The following RGS7 variants were observed in gnomAD, a reference collection of about 807,000 sequenced individuals.
RGS7 encodes regulator of G-protein signaling 7.
RGS7 carries 27 observed loss-of-function variants against 81.1 expected under a neutral mutation model. That is an observed-to-expected ratio of 0.33 (90% confidence interval 0.25 to 0.46). The LOEUF (loss-of-function observed/expected upper bound fraction) is 0.46, where lower values mean the gene tolerates loss of function less well. Ranked by LOEUF, RGS7 falls within the 20% of genes least tolerant of loss-of-function variation. The pLI is 1.00. For missense variants in RGS7, 396 were observed against 607.4 expected (o/e 0.65, Z 3.66); for synonymous variants, 208 against 207.7 (o/e 1.00, Z -0.01).
chr1:240,952,083 C>G (rs959944306), intron 4 of RGS7, among the ~76,000 whole-genome samples: 1 of 151,972 alleles, frequency 6.6e-6, no homozygotes, highest in Non-Finnish European at 1.5e-5. Flanking sequence ...CTCAGACAAA[C>G]AACTGAAAGA....
chr1:241,351,111 T>C (rs1414764985), intron 2 of RGS7, among the ~76,000 whole-genome samples: 1 of 152,162 alleles, frequency 6.6e-6, no homozygotes, highest in African/African-American at 2.4e-5. Context: ...TGGTCTTGTC[T>C]TGCTCTTCAA....
At chr1:240,935,129 C>T (rs113612727) in intron 5 of RGS7, among the ~76,000 whole-genome samples, 3,703 of 151,734 alleles carry the variant, frequency 0.024, 159 homozygotes, top group African/African-American at 0.085. Context: ...AAACTCCTAA[C>T]CTCAAGTGAT....
At chr1:241,170,619 G>A (rs2070662875) in intron 2 of RGS7, among the ~76,000 whole-genome samples, 1 of 152,168 alleles carries the variant, frequency 6.6e-6, no homozygotes, top group African/African-American at 2.4e-5. Context: ...ATGTTGTCAT[G>A]GAAGAGGCAG....
intron 2 of RGS7, among the ~76,000 whole-genome samples, chr1:241,221,538 CT>C (rs2075014422): frequency 6.6e-6 from 1 of 152,172 alleles, no homozygotes; most frequent in African/African-American, 2.4e-5. Flanking sequence ...GTGATAGTTA[CT>C]TTTATGTGTC....
chr1:241,105,257 T>C (rs533384395), intron 2 of RGS7, among the ~76,000 whole-genome samples: 1 of 152,192 alleles, frequency 6.6e-6, no homozygotes, highest in South Asian at 2.1e-4. Flanking sequence ...TCAGTGGCTG[T>C]TGATGAGGCT....
intron 2 of RGS7, among the ~76,000 whole-genome samples, chr1:241,187,890 A>G (rs948528147): frequency 6.6e-6 from 1 of 152,196 alleles, no homozygotes; most frequent in African/African-American, 2.4e-5. Context: ...ACAAAGATCT[A>G]CTTCACTGAT....
chr1:241,315,136 A>G (rs1433666400), intron 2 of RGS7, among the ~76,000 whole-genome samples: 1 of 7,742 alleles, frequency 1.3e-4, no homozygotes, highest in African/African-American at 5.8e-4. Context: ...TTTTTTTTTG[A>G]GATGCAGAAA....
intron 3 of RGS7, among the ~76,000 whole-genome samples, chr1:241,029,487 G>T (rs1428301363): frequency 4.6e-5 from 7 of 152,196 alleles, no homozygotes; most frequent in Admixed American, 6.5e-5. Context: ...ATCTGCTAAA[G>T]AACCTTTTGT....
chr1:241,184,772 C>T (rs755638625), intron 2 of RGS7, among the ~76,000 whole-genome samples: 1 of 151,814 alleles, frequency 6.6e-6, no homozygotes, highest in South Asian at 2.1e-4. Flanking sequence ...CAAAAAAAAA[C>T]CCCGAATTCA....
chr1:240,941,504 A>G (rs2148396985), intron 4 of RGS7, among the ~76,000 whole-genome samples: 1 of 152,302 alleles, frequency 6.6e-6, no homozygotes, highest in African/African-American at 2.4e-5. Flanking sequence ...ATGAACAAGG[A>G]CATTTATGAG....
chr1:241,069,903 G>A (rs1021590301), intron 3 of RGS7, among the ~76,000 whole-genome samples: 1 of 152,176 alleles, frequency 6.6e-6, no homozygotes, highest in East Asian at 1.9e-4. Flanking sequence ...TACCTTATTT[G>A]ATCATTTAAT....
At chr1:241,288,551 T>C (rs911282495) in intron 2 of RGS7, among the ~76,000 whole-genome samples, 3 of 152,068 alleles carry the variant, frequency 2.0e-5, no homozygotes, top group African/African-American at 4.8e-5. Flanking sequence ...CTATACAACA[T>C]GGTGAGTAAA....
At chr1:241,101,696 C>T (rs947397315) in intron 2 of RGS7, among the ~76,000 whole-genome samples, 1 of 152,160 alleles carries the variant, frequency 6.6e-6, no homozygotes, top group Admixed American at 6.5e-5. Context: ...TTGTTCATGA[C>T]TGACCTGCCA....
chr1:240,948,451 T>G (rs1030326386), intron 4 of RGS7, among the ~76,000 whole-genome samples: 6 of 152,032 alleles, frequency 3.9e-5, no homozygotes, highest in African/African-American at 1.5e-4. Flanking sequence ...ATTTTATTTA[T>G]TTATTTATTT....
At chr1:241,009,324 A>C (rs1015865049) in intron 3 of RGS7, among the ~76,000 whole-genome samples, 3 of 152,196 alleles carry the variant, frequency 2.0e-5, no homozygotes, top group African/African-American at 7.2e-5. Context: ...CAAGACCTTA[A>C]CTTTTCAGCT....
At chr1:241,208,740 T>C (rs1014565761) in intron 2 of RGS7, among the ~76,000 whole-genome samples, 4 of 152,180 alleles carry the variant, frequency 2.6e-5, no homozygotes, top group Non-Finnish European at 5.9e-5. Flanking sequence ...CCCTGTGTTC[T>C]TTCCAATTTG....
At chr1:240,924,184 G>T (rs982932164) in intron 6 of RGS7, among the ~76,000 whole-genome samples, 2 of 152,124 alleles carry the variant, frequency 1.3e-5, no homozygotes, top group African/African-American at 4.8e-5. Context: ...TTTTATGTCA[G>T]CCTACAATTG....
chr1:240,856,226 C>T (rs986923583), intron 9 of RGS7, among the ~76,000 whole-genome samples: 1 of 152,102 alleles, frequency 6.6e-6, no homozygotes, highest in Admixed American at 6.5e-5. Context: ...GTGAAAAGTT[C>T]TCTAGATCCT....
intron 2 of RGS7, among the ~76,000 whole-genome samples, chr1:241,129,871 G>A (rs1159999542): frequency 1.3e-5 from 2 of 152,096 alleles, no homozygotes; most frequent in African/African-American, 4.8e-5. Flanking sequence ...GGGGGAGGTG[G>A]CTCAGGTAAT....
Sources: gnomAD v4.1 joint callset for allele counts (sites outside exome capture counted in the v4.1 genomes callset) on GRCh38, gnomAD v4.1.1 for gene constraint, MANE v1.5 for transcripts, NCBI Gene and HGNC (gene_info 2026-07-23, HGNC 2026-07-21) for gene names.